The following MAN2B2 variants were observed in gnomAD, a reference collection of about 807,000 sequenced individuals.
The protein encoded by MAN2B2 is mannosidase alpha class 2B member 2.
Under a neutral mutation model 117.1 loss-of-function variants are expected in MAN2B2, and 106 were observed. The ratio of observed to expected loss-of-function variants is 0.90; its 90% CI spans 0.77 to 1.06. MAN2B2 has a LOEUF of 1.06. Ranked by LOEUF, MAN2B2 falls within the 50% of genes least tolerant of loss-of-function variation. The pLI, the probability that MAN2B2 is intolerant of heterozygous loss-of-function variation, is 0.00. For missense variants in MAN2B2, 1,326 were observed against 1,381.4 expected, an observed-to-expected ratio of 0.96 and a Z score of 0.64; for synonymous variants, 544 against 595.1, an observed-to-expected ratio of 0.91 and a Z score of 1.25.
chr4:6,600,635 C>G lies in MAN2B2; in HGVS notation c.1418C>G (p.Ala473Gly). The change falls in exon 10 of 19, where the codon GCA becomes GGA. Residue 473 changes from alanine to glycine, a missense_variant. Ala to Gly is a moderately conservative substitution (Grantham distance 60, BLOSUM62 0). Transcript: ENST00000285599. ...TCTCTGTGTGCAGATGCAGGACCTG[C>G]AGGACATTTTGCCTCGGTCTACAAC... ...PMAASSDAGP[A>G]GHFASVYNPL... is the part of the protein sequence containing the mutation. The G allele has an allele frequency of 6.2e-7, 1 of 1,613,934 alleles. No individual in the cohort carries two copies. Among genetic ancestry groups the G allele is most frequent in the South Asian group, 1.1e-5 (1 of 91,088 alleles).
chr4:6,622,140 A>C lies in MAN2B2; in HGVS notation c.*855A>C, dbSNP rs1712203975. ...ATAAAAAGGAAGGAAATTCTGACGC[A>C]TGCCACAGCCTGAGTGAATCCTACA... On this transcript the variant is annotated 3_prime_UTR_variant, in exon 19 of 19. Transcript: ENST00000285599. 6.6e-6 allele frequency: 1 copy of C among 152,272 alleles called. No individual in the cohort carries two copies. The highest frequency in any genetic ancestry group is 2.4e-5 in the African/African-American group (1 of 41,480). 9.4% of individuals were successfully genotyped at this position (152,272 alleles called of 1,614,324 possible).
In MAN2B2 at chr4:6,592,508, C is replaced by G. The variant is rs151232537; in HGVS notation, c.681-665C>G. Among the ~76,000 whole-genome samples the G allele has an allele frequency of 2.1e-3, 327 of 152,270 alleles. 1 individual carries two copies. Among genetic ancestry groups the G allele is most frequent in the African/African-American group, 5.6e-3 (233 of 41,544 alleles). ...GTGGTAGTCCCAGCTCCTGGGGAGGCTGAGGCGATGGCTTGAGCCCGGGAG... is the reference window on the plus strand; with the variant it reads ...GTGGTAGTCCCAGCTCCTGGGGAGGGTGAGGCGATGGCTTGAGCCCGGGAG... On this transcript the variant is annotated intron_variant, in intron 5 of 18. Transcript: ENST00000285599.
intron 10 of MAN2B2, 65 bp from the exon 11 acceptor site, chr4:6,604,990 G>T: frequency 6.5e-7 from 1 of 1,544,216 alleles, no homozygotes; most frequent in South Asian, 1.2e-5. Flanking sequence ...AGCAAGTAGT[G>T]AGCACCCCAT....
intron 3 of MAN2B2, 95 bp from the exon 4 acceptor site, chr4:6,586,901 A>T: frequency 8.4e-7 from 1 of 1,191,448 alleles, no homozygotes. Context: ...TGGCACTGCA[A>T]CCCACTGGAT....
rs1451539847 is a variant in MAN2B2 at position 6,611,267 on chromosome 4, G to A, written c.2552G>A (p.Gly851Glu). The A allele has an allele frequency of 6.2e-7, 1 of 1,602,680 alleles. No individual in the cohort carries two copies. Among genetic ancestry groups the A allele is most frequent in the Non-Finnish European group, 8.5e-7 (1 of 1,174,528 alleles). Reference protein sequence around the residue: ...ALQHRPVVLFGDLAGTAPKLP... With the variant: ...ALQHRPVVLFEDLAGTAPKLP... ...CAGCACAGGCCCGTGGTGCTGTTCGGAGACCTCGCTGGTAAAGGGGCACCC... is the reference window on the plus strand; with the variant it reads ...CAGCACAGGCCCGTGGTGCTGTTCGAAGACCTCGCTGGTAAAGGGGCACCC... The change falls in exon 15 of 19, where the codon GGA becomes GAA. Residue 851 changes from glycine (G) to glutamate (E), a missense_variant. Physicochemically the swap from Gly to Glu is moderately conservative, Grantham distance 98. Coordinates refer to ENST00000285599, the MANE Select transcript of MAN2B2 (RefSeq NM_015274.3).
At chr4:6,607,313 C>T (rs1239649106) in intron 11 of MAN2B2, among the ~76,000 whole-genome samples, 1 of 152,132 alleles carries the variant, frequency 6.6e-6, no homozygotes, top group East Asian at 1.9e-4. Context: ...CTCAAGTGAT[C>T]CTCCCACCTC....
At chr4:6,620,927 G>A in intron 18 of MAN2B2, 2 of 464,466 alleles carry the variant, frequency 4.3e-6, no homozygotes, top group Non-Finnish European at 7.7e-6. Context: ...CTCAGGGTGG[G>A]CAGAAACGCC....
At chr4:6,589,204 G>T in intron 5 of MAN2B2, 44 bp downstream of exon 5, 1 of 1,444,556 alleles carries the variant, frequency 6.9e-7, no homozygotes, top group Non-Finnish European at 9.7e-7. Context: ...AGACAGCAGG[G>T]TCTGCCCAGC....
chr4:6,578,517 G>T lies in MAN2B2; in HGVS notation c.391+19G>T, dbSNP rs376087541. ...CTCACAGGTTTGGCCACCCTACCCT[G>T]CACCCAGGGTCCCTCAGGACCTCCA... On this transcript the variant is annotated intron_variant, in intron 3 of 18. Coordinates refer to ENST00000285599, the MANE Select transcript of MAN2B2 (RefSeq NM_015274.3). The T allele has an allele frequency of 1.2e-5, 20 of 1,604,802 alleles. No individual in the cohort carries two copies. The highest frequency in any genetic ancestry group is 1.6e-5 in the Non-Finnish European group (19 of 1,174,262).
At chr4:6,592,409 A>G (rs1478491494) in intron 5 of MAN2B2, among the ~76,000 whole-genome samples, 1 of 152,152 alleles carries the variant, frequency 6.6e-6, no homozygotes, top group Non-Finnish European at 1.5e-5. Flanking sequence ...GCTTGAGCCC[A>G]GGAATTCGAG....
intron 6 of MAN2B2, 32 bp downstream of exon 6, chr4:6,593,382 A>C: frequency 1.3e-6 from 2 of 1,591,802 alleles, no homozygotes; most frequent in Non-Finnish European, 1.7e-6. Context: ...TGTGCCCTCA[A>C]CACAGCCCAA....
intron 7 of MAN2B2, among the ~76,000 whole-genome samples, 152 bp from the exon 8 acceptor site, chr4:6,596,960 GC>G (rs1375398526): frequency 2.6e-5 from 4 of 152,198 alleles, no homozygotes; most frequent in Non-Finnish European, 4.4e-5. Context: ...GGAGCCGTAA[GC>G]CCTGGGCTCG....
intron 4 of MAN2B2, among the ~76,000 whole-genome samples, chr4:6,587,757 T>TG (rs1384616857): frequency 3.9e-4 from 30 of 76,766 alleles, no homozygotes; most frequent in African/African-American, 8.2e-4. Context: ...GTTGTTTTTT[T>TG]TTTTTTTTTT....
Position 6,575,363 on chromosome 4 carries a change from C to G in MAN2B2, c.138+15C>G. 6.7e-7 allele frequency: 1 copy of G among 1,485,546 alleles called. No homozygotes were observed. The highest frequency in any genetic ancestry group is 9.0e-7 in the Non-Finnish European group (1 of 1,112,750). 92.0% of individuals were successfully genotyped at this position (1,485,546 alleles called of 1,614,324 possible). A position where few individuals can be genotyped will look rare whatever the true frequency, so the allele number is the denominator to read the frequency against. On this transcript the variant is annotated intron_variant, in intron 1 of 18. Coordinates refer to ENST00000285599, the MANE Select transcript of MAN2B2 (RefSeq NM_015274.3). ...ACACTGTGCAGGTAGGTGCCGACCA[C>G]GCCCCGCGCGCCCCTGAGGCTGCAG...
chr4:6,609,488 T>G (rs1225340006), intron 12 of MAN2B2, 190 bp downstream of exon 12: 2 of 659,776 alleles, frequency 3.0e-6, no homozygotes, highest in Non-Finnish European at 5.1e-6. Context: ...TGTGTCACGT[T>G]GGTTGGGAGC....
intron 10 of MAN2B2, among the ~76,000 whole-genome samples, chr4:6,601,513 AAAAG>A (rs1560652619): frequency 1.3e-5 from 2 of 151,856 alleles, no homozygotes; most frequent in Admixed American, 6.6e-5. Flanking sequence ...AAAAAAAAAA[AAAAG>A]AAAGGGTACA....
intron 18 of MAN2B2, 34 bp downstream of exon 18, chr4:6,620,078 G>T: frequency 6.4e-7 from 1 of 1,558,818 alleles, no homozygotes; most frequent in South Asian, 1.2e-5. Context: ...CCCTACCCAG[G>T]ACTCCCAGCC....
In MAN2B2 at chr4:6,614,133, G is replaced by A. The variant is rs538770723; in HGVS notation, c.2564-85G>A. Reference sequence around the variant, plus strand: ...CATGGGAAGTGGCTGGCAGGGGCAGGGGCATGTAATGTGCAGAGCTCTGAG... The same window carrying A: ...CATGGGAAGTGGCTGGCAGGGGCAGAGGCATGTAATGTGCAGAGCTCTGAG... On this transcript the variant is annotated intron_variant, in intron 15 of 18. Coordinates refer to ENST00000285599, the MANE Select transcript of MAN2B2 (RefSeq NM_015274.3). 78 of 1,513,816 alleles carry A rather than the reference G, an allele frequency of 5.2e-5. 1 individual carries two copies. The South Asian group carries it at 6.8e-4, about 13-fold the overall frequency. The allele number at this position is 1,513,816 out of a possible 1,614,324, so 93.8% of individuals were successfully genotyped here. A position where few individuals can be genotyped will look rare whatever the true frequency, so the allele number is the denominator to read the frequency against.
intron 3 of MAN2B2, among the ~76,000 whole-genome samples, chr4:6,579,225 C>T (rs796702661): frequency 1.7e-4 from 9 of 52,426 alleles, no homozygotes; most frequent in South Asian, 1.8e-3. Context: ...ACCACCACCA[C>T]CACCATCACC....
Sources: allele counts gnomAD v4.1 joint callset (sites outside exome capture counted in the v4.1 genomes callset), GRCh38; gene constraint gnomAD v4.1.1; transcripts MANE v1.5; gene names NCBI Gene and HGNC (gene_info 2026-07-23, HGNC 2026-07-21).